Variants in RNF150 observed in about 807,000 individuals in gnomAD.
The protein encoded by RNF150 is ring finger protein 150.
RNF150 carries 24 observed loss-of-function variants against 39.3 expected under a neutral mutation model. That is an observed-to-expected ratio of 0.61 (90% CI 0.44 to 0.86). The LOEUF (loss-of-function observed/expected upper bound fraction) is 0.86. RNF150 is among the 40% of genes least tolerant of loss of function. RNF150 has a pLI of 0.00. For missense variants in RNF150, 502 were observed against 587.8 expected (o/e 0.85, Z 1.51); for synonymous variants, 255 against 227.3 (o/e 1.12, Z -1.10).
At chr4:141,142,887 TTAGA>T (rs1424462862) in intron 1 of RNF150, among the ~76,000 whole-genome samples, 6 of 152,072 alleles carry the variant, frequency 3.9e-5, no homozygotes, top group Middle Eastern at 3.4e-3. Flanking sequence ...TTTTTTTTTT[TTAGA>T]TAGAGTCTGT....
At chr4:141,123,964 G>A (rs969689576) in intron 1 of RNF150, among the ~76,000 whole-genome samples, 2 of 152,044 alleles carry the variant, frequency 1.3e-5, no homozygotes, top group East Asian at 1.9e-4. Context: ...ATGGATATTT[G>A]GGTTGGTTCC....
intron 1 of RNF150, among the ~76,000 whole-genome samples, chr4:141,095,827 A>C (rs1021506209): frequency 6.6e-6 from 1 of 152,224 alleles, no homozygotes; most frequent in African/African-American, 2.4e-5. Context: ...GAGGGAATCC[A>C]GGGGTTGCTA....
intron 1 of RNF150, among the ~76,000 whole-genome samples, chr4:141,151,091 T>G (rs1287908597): frequency 6.6e-6 from 1 of 151,816 alleles, no homozygotes; most frequent in Admixed American, 6.6e-5. Context: ...AGGCGTACAT[T>G]ACCATACCTG....
chr4:140,900,098 G>A (rs1560955250), intron 6 of RNF150, among the ~76,000 whole-genome samples: 1 of 152,092 alleles, frequency 6.6e-6, no homozygotes, highest in African/African-American at 2.4e-5. Flanking sequence ...CCTAATAGCA[G>A]TGGATATTTC....
At chr4:141,205,883 C>A (rs1464019169) in intron 1 of RNF150, among the ~76,000 whole-genome samples, 1 of 152,008 alleles carries the variant, frequency 6.6e-6, no homozygotes, top group Admixed American at 6.6e-5. Flanking sequence ...GGAGGTTGTT[C>A]AATTAAAAAG....
chr4:141,000,040 AG>A (rs56028932), intron 1 of RNF150, among the ~76,000 whole-genome samples: 5,736 of 75,946 alleles, frequency 0.076, 1,196 homozygotes, highest in Non-Finnish European at 0.11. Flanking sequence ...AAGAAGAAGA[AG>A]AAGAAGAAGA....
Position 141,170,074 on chromosome 4 carries a change from C to T in RNF150, c.-6+42720G>A, listed in dbSNP as rs147838869. Among the ~76,000 whole-genome samples the T allele has an allele frequency of 5.6e-4, 85 of 152,102 alleles. 1 individual carries two copies. In the East Asian group the frequency reaches 0.016, roughly 28 times the overall value. ...CTAGATTTAGGGATGGCTCACTGCT[C>T]GTATAATTAAGATAATGTTACAGAA... On this transcript the variant is annotated intron_variant, in intron 1 of 7. Transcript: ENST00000420921.
chr4:140,972,353 CA>C (rs1733499386), intron 1 of RNF150, among the ~76,000 whole-genome samples: 1 of 152,072 alleles, frequency 6.6e-6, no homozygotes, highest in African/African-American at 2.4e-5. Context: ...ACAGTACTCA[CA>C]AACAGAATCC....
chr4:141,167,427 C>T (rs184928503), intron 1 of RNF150, among the ~76,000 whole-genome samples: 43 of 152,252 alleles, frequency 2.8e-4, no homozygotes, highest in Non-Finnish European at 4.3e-4. Context: ...ACTTTCTTCA[C>T]AGAATTAGAA....
At chr4:141,026,634 C>T (rs1735707651) in intron 1 of RNF150, among the ~76,000 whole-genome samples, 1 of 152,188 alleles carries the variant, frequency 6.6e-6, no homozygotes, top group African/African-American at 2.4e-5. Context: ...CTTCAACACA[C>T]ATATACTCCC....
At chr4:140,930,050 A>G (rs147907263) in intron 4 of RNF150, among the ~76,000 whole-genome samples, 1 of 152,262 alleles carries the variant, frequency 6.6e-6, no homozygotes, top group East Asian at 1.9e-4. Context: ...AATTCCAGCT[A>G]CTTGGGAGGC....
upstream of RNF150, among the ~76,000 whole-genome samples, chr4:141,135,023 A>C (rs971971730): frequency 6.6e-6 from 1 of 152,212 alleles, no homozygotes; most frequent in Non-Finnish European, 1.5e-5. Context: ...AAGAGATGAC[A>C]GGGTCAAGGA....
At chr4:140,921,024 C>G (rs1274540326) in intron 5 of RNF150, among the ~76,000 whole-genome samples, 1 of 151,564 alleles carries the variant, frequency 6.6e-6, no homozygotes, top group African/African-American at 2.4e-5. Flanking sequence ...ACATCACACT[C>G]TGGGGACTGT....
At chr4:141,177,074 A>G (rs1016913660) in intron 1 of RNF150, among the ~76,000 whole-genome samples, 2 of 140,154 alleles carry the variant, frequency 1.4e-5, no homozygotes, top group Non-Finnish European at 3.1e-5. Context: ...AAAAAAAAAA[A>G]CAAAGAAAAA....
rs547110562 is a variant in RNF150, at chr4:141,006,025, C to T, written c.485-38152G>A. On this transcript the variant is annotated intron_variant, in intron 1 of 6. Coordinates refer to ENST00000515673, the MANE Select transcript of RNF150 (RefSeq NM_020724.2). The stretch of plus-strand genomic sequence containing the variant: ...CGGAGTTTGCAGTGAGCCGAGATCC[C>T]GCCACTGCACTCCAGCCTGGGCGAC... 8.5e-4 allele frequency among the ~76,000 whole-genome samples: 108 copies of T among 127,796 alleles called. 2 individuals carry two copies. Among genetic ancestry groups the T allele is most frequent in the Non-Finnish European group, 1.6e-3 (90 of 57,392 alleles). 83.8% of individuals were successfully genotyped at this position (127,796 alleles called of 152,430 possible). A position where few individuals can be genotyped will look rare whatever the true frequency, so the allele number is the denominator to read the frequency against.
chr4:141,011,776 A>G (rs191026059), intron 1 of RNF150, among the ~76,000 whole-genome samples: 1 of 152,340 alleles, frequency 6.6e-6, no homozygotes, highest in Admixed American at 6.5e-5. Flanking sequence ...GTCATCACAA[A>G]AAGTAGATTA....
chr4:140,988,654 T>C (rs367671825), intron 1 of RNF150, among the ~76,000 whole-genome samples: 27 of 140,790 alleles, frequency 1.9e-4, no homozygotes, highest in African/African-American at 6.0e-4. Context: ...CCACCCCAAG[T>C]ATATACCCAA....
At chr4:141,090,001 T>A (rs1001945766) in intron 1 of RNF150, among the ~76,000 whole-genome samples, 4 of 152,198 alleles carry the variant, frequency 2.6e-5, no homozygotes, top group African/African-American at 7.2e-5. Context: ...ATAGAGCACA[T>A]CTTTACCTAG....
chr4:141,083,323 C>T (rs1738233410), intron 1 of RNF150, among the ~76,000 whole-genome samples: 1 of 152,154 alleles, frequency 6.6e-6, no homozygotes, highest in Non-Finnish European at 1.5e-5. Flanking sequence ...CATCAATAAC[C>T]ATACTCAAAA....
Sources: allele counts gnomAD v4.1 joint callset (sites outside exome capture counted in the v4.1 genomes callset), GRCh38; gene constraint gnomAD v4.1.1; transcripts MANE v1.5; gene names NCBI Gene and HGNC (gene_info 2026-07-23, HGNC 2026-07-21).